The following PLEKHA7 variants were observed in gnomAD, a reference collection of about 807,000 sequenced individuals.
PLEKHA7 encodes the protein pleckstrin homology domain-containing family A member 7.
In PLEKHA7, 104 loss-of-function variants were observed where a neutral mutation model predicts 170.0. That is an observed-to-expected ratio of 0.61 (90% CI 0.52 to 0.72). The LOEUF (loss-of-function observed/expected upper bound fraction) is 0.72. Ranked by LOEUF, PLEKHA7 falls within the 30% of genes least tolerant of loss-of-function variation. PLEKHA7 has a pLI of 0.00. For missense variants in PLEKHA7, 1,615 were observed against 1,671.7 expected, an observed-to-expected ratio of 0.97 and a Z score of 0.59; for synonymous variants, 648 against 660.8, an observed-to-expected ratio of 0.98 and a Z score of 0.30.
intron 3 of PLEKHA7, among the ~76,000 whole-genome samples, chr11:16,940,884 C>A (rs1328328418): frequency 6.6e-6 from 1 of 152,156 alleles, no homozygotes; most frequent in African/African-American, 2.4e-5. Flanking sequence ...CCAGTCCTCC[C>A]TAGCCAGGTG....
intron 3 of PLEKHA7, among the ~76,000 whole-genome samples, chr11:16,952,523 C>T (rs114850091): frequency 3.2e-4 from 49 of 152,042 alleles, no homozygotes; most frequent in African/African-American, 1.2e-3. Flanking sequence ...CTATCATTTG[C>T]AGCTAAACAT....
chr11:16,782,953 G>A lies in PLEKHA7; in HGVS notation c.3651-57C>T. On this transcript the variant is annotated intron_variant, in intron 25 of 26. Coordinates refer to ENST00000531066, the MANE Select transcript of PLEKHA7 (RefSeq NM_001329630.2). ...CTCCTGCCCTGGGTAGCAGCCTCAGGAGTGGAGGGTCTCCCTGGCCTAGAG... is the reference window on the plus strand; with the variant it reads ...CTCCTGCCCTGGGTAGCAGCCTCAGAAGTGGAGGGTCTCCCTGGCCTAGAG... 6.0e-6 allele frequency: 9 copies of A among 1,510,828 alleles called. No individual in the cohort carries two copies. The South Asian group carries it at 1.1e-4, about 18-fold the overall frequency. The allele number at this position is 1,510,828 out of a possible 1,614,324, so 93.6% of individuals were successfully genotyped here.
In PLEKHA7 at chr11:16,955,513, T is replaced by C. The variant is rs564380974; in HGVS notation, c.221+58476A>G. ...ATTTAGTATAGTGCCTGGCACCCAG[T>C]AGAGGTTCAGTTAGGTGTTTGCGTT... On this transcript the variant is annotated intron_variant, in intron 3 of 26. Transcript: ENST00000531066. Among the ~76,000 whole-genome samples the C allele has an allele frequency of 2.0e-4, 30 of 152,324 alleles. 1 individual carries two copies. In the South Asian group the frequency reaches 5.6e-3, roughly 28 times the overall value.
chr11:16,927,499 C>A (rs1859643305), intron 3 of PLEKHA7, among the ~76,000 whole-genome samples: 1 of 152,076 alleles, frequency 6.6e-6, no homozygotes, highest in Non-Finnish European at 1.5e-5. Context: ...CAGCACTTAT[C>A]ATCTCTAGCC....
intron 3 of PLEKHA7, among the ~76,000 whole-genome samples, chr11:16,964,159 A>T (rs1185129106): frequency 6.6e-6 from 1 of 152,170 alleles, no homozygotes; most frequent in Non-Finnish European, 1.5e-5. Context: ...CTTCCTCTTC[A>T]GGGCTCAGTA....
intron 16 of PLEKHA7, 65 bp downstream of exon 16, chr11:16,801,603 G>A (rs1055494500): frequency 3.8e-6 from 6 of 1,588,148 alleles, no homozygotes; most frequent in South Asian, 2.2e-5. Flanking sequence ...CATCTTGGGA[G>A]GGGAGAAAAG....
chr11:16,887,435 C>T (rs1020262415), intron 3 of PLEKHA7, among the ~76,000 whole-genome samples: 3 of 151,718 alleles, frequency 2.0e-5, no homozygotes, highest in South Asian at 2.1e-4. Flanking sequence ...GGTCTCCCTC[C>T]GATGCCGAGT....
chr11:16,813,008 T>A (rs1465848836), intron 13 of PLEKHA7, 105 bp downstream of exon 13: 1 of 852,428 alleles, frequency 1.2e-6, no homozygotes. Flanking sequence ...AGAATTCAGA[T>A]TGGATAAGAC....
chr11:16,919,992 G>C (rs1390320305), intron 3 of PLEKHA7, among the ~76,000 whole-genome samples: 2 of 152,158 alleles, frequency 1.3e-5, no homozygotes, highest in Non-Finnish European at 2.9e-5. Context: ...GGACAACCTG[G>C]ATTTGGATCA....
rs150769891 is a variant in PLEKHA7 at position 16,783,624 on chromosome 11, G to A, written c.3650+76C>T. 1.4e-4 allele frequency: 187 copies of A among 1,310,422 alleles called. 1 individual carries two copies. In the African/African-American group the frequency reaches 2.3e-3, roughly 16 times the overall value. 81.2% of individuals were successfully genotyped at this position (1,310,422 alleles called of 1,614,324 possible). On this transcript the variant is annotated intron_variant, in intron 25 of 26. Coordinates refer to ENST00000531066, the MANE Select transcript of PLEKHA7 (RefSeq NM_001329630.2). ...GCAAAACACGCACCCCAGCCAGCCC[G>A]GCCCAGGGCCCACATGGTAGAGACG... is the stretch of plus-strand genomic sequence containing the variant.
At position 16,901,034 on chromosome 11, in the gene PLEKHA7, A is replaced by G. The variant is rs60353703; in HGVS notation, c.222-29852T>C. Among the ~76,000 whole-genome samples the G allele has an allele frequency of 8.8e-3, 1,333 of 152,072 alleles. 21 individuals carry two copies. Among genetic ancestry groups the G allele is most frequent in the African/African-American group, 0.03 (1,244 of 41,486 alleles). On this transcript the variant is annotated intron_variant, in intron 3 of 26. Coordinates refer to ENST00000531066, the MANE Select transcript of PLEKHA7 (RefSeq NM_001329630.2). ...TAATTTTTTTATTTTTAGTAGAGAC[A>G]GGGTTTCACCCCATGTTGGCCAGGC...
At chr11:16,920,760 T>G (rs2136236115) in intron 3 of PLEKHA7, among the ~76,000 whole-genome samples, 1 of 152,320 alleles carries the variant, frequency 6.6e-6, no homozygotes, top group Middle Eastern at 3.4e-3. Flanking sequence ...AGCAGGCTGC[T>G]ACAGGAGCAG....
At chr11:16,815,593 C>T (rs1031678461) in intron 12 of PLEKHA7, among the ~76,000 whole-genome samples, 5 of 152,114 alleles carry the variant, frequency 3.3e-5, no homozygotes, top group African/African-American at 4.8e-5. Context: ...AGCGTGATCT[C>T]GGCTCACTGC....
chr11:17,008,101 A>T (rs10832721), intron 3 of PLEKHA7, among the ~76,000 whole-genome samples: 3 of 151,866 alleles, frequency 2.0e-5, no homozygotes, highest in East Asian at 1.9e-4. Flanking sequence ...TCCAAGCCTC[A>T]GAAATGTCTT....
chr11:16,904,136 T>C (rs945452013), intron 3 of PLEKHA7, among the ~76,000 whole-genome samples: 2 of 152,220 alleles, frequency 1.3e-5, no homozygotes, highest in Admixed American at 1.3e-4. Context: ...AGGCCTTCAT[T>C]GGCTTAAAAC....
At chr11:16,850,826 A>G (rs1432333112) in intron 8 of PLEKHA7, among the ~76,000 whole-genome samples, 1 of 152,194 alleles carries the variant, frequency 6.6e-6, no homozygotes, top group Non-Finnish European at 1.5e-5. Flanking sequence ...TCATAATACA[A>G]TGGATATAAA....
At chr11:16,981,808 A>G (rs1863445058) in intron 3 of PLEKHA7, among the ~76,000 whole-genome samples, 1 of 152,146 alleles carries the variant, frequency 6.6e-6, no homozygotes, top group Admixed American at 6.6e-5. Flanking sequence ...CAGAGCCACC[A>G]TTGTCTCCGT....
chr11:16,895,908 CTT>C (rs1200485613), intron 3 of PLEKHA7, among the ~76,000 whole-genome samples: 3 of 152,216 alleles, frequency 2.0e-5, no homozygotes, highest in African/African-American at 7.2e-5. Flanking sequence ...AAGAGAGAAA[CTT>C]GTAAAAATTT....
At chr11:16,920,671 A>G (rs1208131073) in intron 3 of PLEKHA7, among the ~76,000 whole-genome samples, 1 of 152,244 alleles carries the variant, frequency 6.6e-6, no homozygotes, top group Non-Finnish European at 1.5e-5. Flanking sequence ...CTGCCATTAC[A>G]TATCTGACTA....
Sources: gnomAD v4.1 joint callset for allele counts (sites outside exome capture counted in the v4.1 genomes callset) on GRCh38, gnomAD v4.1.1 for gene constraint, MANE v1.5 for transcripts, NCBI Gene and HGNC (gene_info 2026-07-23, HGNC 2026-07-21) for gene names.